COL21A1: variants seen among roughly 807,000 people sequenced by gnomAD.
The protein encoded by COL21A1 is collagen alpha-1(XXI) chain.
COL21A1 carries 149 observed loss-of-function variants against 137.9 expected under a neutral mutation model. The observed-to-expected ratio is 1.08, with a 90% CI of 0.95 to 1.24. The LOEUF (loss-of-function observed/expected upper bound fraction) is 1.24. Ranked by LOEUF, COL21A1 falls within the 50% of genes most tolerant of loss-of-function variation. The pLI, the probability that COL21A1 is intolerant of heterozygous loss-of-function variation, is 0.00. For synonymous variants in COL21A1, 456 were observed against 391.5 expected, an observed-to-expected ratio of 1.16 and a Z score of -1.95; for missense variants, 1,167 against 1,158.4, an observed-to-expected ratio of 1.01 and a Z score of -0.11.
At chr6:56,186,934 T>C (rs1778345986) in intron 1 of COL21A1, among the ~76,000 whole-genome samples, 1 of 152,204 alleles carries the variant, frequency 6.6e-6, no homozygotes, top group Non-Finnish European at 1.5e-5. Context: ...GCAAATGATT[T>C]TGAATTGGAA....
At chr6:56,163,280 C>G (rs548088235) in intron 9 of COL21A1, among the ~76,000 whole-genome samples, 2 of 152,220 alleles carry the variant, frequency 1.3e-5, no homozygotes, top group East Asian at 3.9e-4. Flanking sequence ...TCAAGTTACA[C>G]ATTATTTTAT....
intron 1 of COL21A1, among the ~76,000 whole-genome samples, chr6:56,305,162 CA>C (rs1562047785): frequency 6.6e-6 from 1 of 152,146 alleles, no homozygotes; most frequent in African/African-American, 2.4e-5. Context: ...ACTATGTGGT[CA>C]ATTTTGGAAT....
chr6:56,306,576 C>G lies in COL21A1; in HGVS notation c.-39+87395G>C, dbSNP rs566384441. ...GTAGTTCTCGTGCCTTGGTTTTCAG[C>G]TCCATCAGGTCTTTTAAGGACTTTT... On this transcript the variant is annotated intron_variant, in intron 1 of 28. Coordinates refer to the COL21A1 transcript ENST00000370819. 2.0e-3 allele frequency among the ~76,000 whole-genome samples: 302 copies of G among 150,076 alleles called. 1 individual carries two copies. The highest frequency in any genetic ancestry group is 7.0e-3 in the African/African-American group (286 of 40,734).
intron 17 of COL21A1, among the ~76,000 whole-genome samples, chr6:56,097,912 TATATATAA>T (rs1322799939): frequency 8.1e-5 from 3 of 37,178 alleles, no homozygotes; most frequent in African/African-American, 1.7e-4. Context: ...AATATATAAA[TATATATAA>T]ATATATAAAT....
chr6:56,323,700 T>G (rs1764931383), intron 1 of COL21A1, among the ~76,000 whole-genome samples: 1 of 152,146 alleles, frequency 6.6e-6, no homozygotes, highest in Non-Finnish European at 1.5e-5. Flanking sequence ...GTTGCCTCTT[T>G]GAAGGAGTAG....
intron 1 of COL21A1, among the ~76,000 whole-genome samples, chr6:56,224,448 G>T (rs756765681): frequency 5.9e-5 from 9 of 152,018 alleles, no homozygotes; most frequent in Non-Finnish European, 1.0e-4. Context: ...GCAAAAGTGT[G>T]TCATAGTCTG....
chr6:56,098,517 ATAAATATATAAAT>A (rs1769953651), intron 17 of COL21A1, among the ~76,000 whole-genome samples: 1 of 29,564 alleles, frequency 3.4e-5, no homozygotes, highest in Non-Finnish European at 5.3e-5. Flanking sequence ...AAATATATAT[ATAAATATATAAAT>A]ATATATATAA....
At chr6:56,178,605 T>G (rs1042786806) in intron 3 of COL21A1, among the ~76,000 whole-genome samples, 4 of 152,086 alleles carry the variant, frequency 2.6e-5, no homozygotes, top group African/African-American at 9.7e-5. Context: ...ATATGAATAT[T>G]ACTTTAATAT....
At chr6:56,222,845 T>G (rs761475202) in intron 1 of COL21A1, among the ~76,000 whole-genome samples, 7 of 152,114 alleles carry the variant, frequency 4.6e-5, no homozygotes, top group Non-Finnish European at 1.0e-4. Flanking sequence ...TACTTACAGT[T>G]TCCAAAAAAC....
intron 17 of COL21A1, among the ~76,000 whole-genome samples, chr6:56,100,020 C>T (rs1770310202): frequency 1.3e-5 from 2 of 152,174 alleles, no homozygotes; most frequent in Admixed American, 1.3e-4. Context: ...TCTCACAAAA[C>T]TTCAATGACA....
chr6:56,313,428 G>A (rs1157937118), intron 1 of COL21A1, among the ~76,000 whole-genome samples: 4 of 152,226 alleles, frequency 2.6e-5, no homozygotes, highest in South Asian at 2.1e-4. Context: ...TTTTCTCATG[G>A]TTCTGGAAGC....
intron 1 of COL21A1, among the ~76,000 whole-genome samples, chr6:56,304,191 C>G (rs1016178845): frequency 6.6e-6 from 1 of 151,970 alleles, no homozygotes; most frequent in Non-Finnish European, 1.5e-5. Context: ...GTCTAAAATT[C>G]TCTTTTTTTG....
chr6:56,192,024 C>T (rs1183080428), intron 1 of COL21A1, among the ~76,000 whole-genome samples: 1 of 152,078 alleles, frequency 6.6e-6, no homozygotes, highest in Non-Finnish European at 1.5e-5. Flanking sequence ...TGGAACAGAA[C>T]AGAGGCCTCA....
intron 1 of COL21A1, among the ~76,000 whole-genome samples, chr6:56,393,814 C>T (rs113960941): frequency 1.2e-3 from 189 of 152,276 alleles, no homozygotes; most frequent in Non-Finnish European, 2.1e-3. Flanking sequence ...TACTGGCGGA[C>T]CTGGCAATAC....
At chr6:56,269,540 A>C (rs1342748011) in intron 1 of COL21A1, among the ~76,000 whole-genome samples, 1 of 150,660 alleles carries the variant, frequency 6.6e-6, no homozygotes, top group Non-Finnish European at 1.5e-5. Context: ...CTGTAGTCCC[A>C]GCTACTTGGG....
Position 56,069,091 on chromosome 6 carries a change from TG to T in COL21A1, c.2045del (p.Pro682GlnfsTer78). 6.2e-7 allele frequency: 1 copy of T among 1,600,176 alleles called. No homozygotes were observed. Among genetic ancestry groups the T allele is most frequent in the Non-Finnish European group, 8.5e-7 (1 of 1,173,192 alleles). On this transcript the variant is annotated frameshift_variant, in exon 22 of 30. Coordinates refer to ENST00000244728, the MANE Select transcript of COL21A1 (RefSeq NM_030820.4). LOFTEE classifies it high-confidence loss of function. ...LKGEPGATGS[P>X]GEPGYMGLPG... ...GTAAACCCATGTATCCTGGTTCTCC[TG>T]GGGAACCCGTTGCTCCTGGTTCTCC...
chr6:56,344,060 GC>G (rs1366158730), intron 1 of COL21A1, among the ~76,000 whole-genome samples: 1 of 152,118 alleles, frequency 6.6e-6, no homozygotes, highest in Non-Finnish European at 1.5e-5. Flanking sequence ...ATTCAAATTT[GC>G]CTTCAAAATT....
intron 1 of COL21A1, among the ~76,000 whole-genome samples, chr6:56,340,190 G>A (rs1428661405): frequency 6.6e-6 from 1 of 151,960 alleles, no homozygotes; most frequent in Non-Finnish European, 1.5e-5. Flanking sequence ...CACCCCTCCC[G>A]CTTCAGTGGC....
intron 13 of COL21A1, 84 bp from the exon 14 acceptor site, chr6:56,125,704 GA>G (rs1169087531): frequency 2.2e-5 from 19 of 866,416 alleles, no homozygotes; most frequent in Middle Eastern, 7.3e-4. Context: ...ATAAGCAAAA[GA>G]GTTTAATATG....
Sources: allele counts gnomAD v4.1 joint callset (sites outside exome capture counted in the v4.1 genomes callset), GRCh38; gene constraint gnomAD v4.1.1; transcripts MANE v1.5; gene names NCBI Gene and HGNC (gene_info 2026-07-23, HGNC 2026-07-21).